MYH13: variants seen among roughly 807,000 people sequenced by gnomAD.
The protein encoded by MYH13 is myosin-13.
Under a neutral mutation model 232.1 loss-of-function variants are expected in MYH13, and 177 were observed. The observed-to-expected ratio is 0.76, with a 90% CI of 0.67 to 0.86. The LOEUF (loss-of-function observed/expected upper bound fraction) is 0.86, where lower values mean the gene tolerates loss of function less well. MYH13 is among the 40% of genes least tolerant of loss of function. MYH13 has a pLI of 0.00. For synonymous variants in MYH13, 884 were observed against 923.5 expected (o/e 0.96, Z 0.78); for missense variants, 2,246 against 2,405.9 (o/e 0.93, Z 1.39).
intron 22 of MYH13, among the ~76,000 whole-genome samples, chr17:10,325,980 A>G (rs1907185293): frequency 6.6e-6 from 1 of 152,082 alleles, no homozygotes; most frequent in African/African-American, 2.4e-5. Context: ...CGGCCCATAT[A>G]AGAGTATTTT....
In MYH13 at chr17:10,364,623, A is replaced by C. The variant is rs757161213; in HGVS notation, c.-12-81T>G. ...AGGGCCCCTACCCTTATTCTATTAA[A>C]ACGGGGCCAGATTCAAAGGCTCCTA... is the stretch of plus-strand genomic sequence containing the variant. On this transcript the variant is annotated intron_variant, in intron 2 of 40. Coordinates refer to ENST00000252172, the MANE Select transcript of MYH13 (RefSeq NM_003802.3). 3.1e-5 allele frequency: 37 copies of C among 1,208,650 alleles called. No individual in the cohort carries two copies. The Admixed American group carries it at 7.7e-4, about 25-fold the overall frequency. 74.9% of individuals were successfully genotyped at this position (1,208,650 alleles called of 1,614,324 possible).
chr17:10,343,864 C>T lies in MYH13; in HGVS notation c.1830G>A (p.Leu610=). ...GAAGCTTCAGCGAAGACTTCTGGTA[C>T]AGCCCCACCACAGTCTCGTTCAGGG... ...KDPLNETVVG[L]YQKSSLKLLS... Residue 610 remains leucine, a synonymous_variant, in exon 16 of 41, where the codon CTG becomes CTA. Coordinates refer to ENST00000252172, the MANE Select transcript of MYH13 (RefSeq NM_003802.3). 6.2e-7 allele frequency: 1 copy of T among 1,613,998 alleles called. No individual in the cohort carries two copies. Among genetic ancestry groups the T allele is most frequent in the Non-Finnish European group, 8.5e-7 (1 of 1,179,884 alleles).
chr17:10,338,038 C>T (rs577784728), intron 18 of MYH13, among the ~76,000 whole-genome samples: 155 of 152,118 alleles, frequency 1.0e-3, no homozygotes, highest in African/African-American at 3.4e-3. Context: ...GGCGACAGAG[C>T]GAGAGTCTGT....
chr17:10,362,850 G>T (rs2071804764), intron 3 of MYH13, among the ~76,000 whole-genome samples: 1 of 152,158 alleles, frequency 6.6e-6, no homozygotes, highest in Non-Finnish European at 1.5e-5. Context: ...AGGTTACAAA[G>T]AACTGCTCCA....
rs753903107 is a variant in MYH13 at position 10,345,556 on chromosome 17, C to T, written c.1324G>A (p.Val442Ile). The change falls in exon 14 of 41, where the codon GTC becomes ATC. Residue 442 changes from valine (V) to isoleucine (I), a missense_variant. By Grantham distance (29) the Val-to-Ile change is conservative. Coordinates refer to ENST00000252172, the MANE Select transcript of MYH13 (RefSeq NM_003802.3). ...AVYEKMFLWM[V>I]TRINQQLDTK... The stretch of plus-strand genomic sequence containing the variant: ...TCCAGCTGCTGGTTGATGCGGGTGA[C>T]CATCCACAGGAACATCTTCTCGTAG... 1.2e-6 allele frequency: 2 copies of T among 1,614,036 alleles called. No individual in the cohort carries two copies. Among genetic ancestry groups the T allele is most frequent in the African/African-American group, 2.7e-5 (2 of 74,902 alleles).
In MYH13 at chr17:10,305,222, C is replaced by T. The variant is rs1013922450; in HGVS notation, c.5466+1237G>A. Among the ~76,000 whole-genome samples, 5 of 152,274 alleles carry T rather than the reference C, an allele frequency of 3.3e-5. No homozygotes were observed. The East Asian group carries it at 7.7e-4, about 24-fold the overall frequency. ...CTCACCATGGGAGGGGGAGGGTGGC[C>T]GAGGGCTCCCCGCCAACCCAGGAAT... On this transcript the variant is annotated intron_variant, in intron 37 of 40. Transcript: ENST00000252172.
chr17:10,333,348 C>T (rs1907478322), intron 18 of MYH13, among the ~76,000 whole-genome samples, 157 bp from the exon 19 acceptor site: 1 of 152,192 alleles, frequency 6.6e-6, no homozygotes, highest in Admixed American at 6.5e-5. Flanking sequence ...CTGGGGGTGG[C>T]TAGAGCCTGC....
Position 10,312,611 on chromosome 17 carries a change from C to A in MYH13, c.4328G>T (p.Cys1443Phe). Reference sequence around the variant, plus strand: ...CCTCTGCTTCTTGTCCAGTGTGGCACAGGCGGTGTGGGAGCGCTCCAGATC... The same window carrying A: ...CCTCTGCTTCTTGTCCAGTGTGGCAAAGGCGGTGTGGGAGCGCTCCAGATC... Reference protein sequence around the residue: ...MRDLERSHTACATLDKKQRNF... With the variant: ...MRDLERSHTAFATLDKKQRNF... The change falls in exon 31 of 41, where the codon TGT (cysteine) becomes TTT (phenylalanine). Residue 1443 changes from cysteine (C) to phenylalanine (F), a missense_variant. Transcript: ENST00000252172. The A allele has an allele frequency of 6.2e-7, 1 of 1,613,416 alleles. No homozygotes were observed. Among genetic ancestry groups the A allele is most frequent in the Non-Finnish European group, 8.5e-7 (1 of 1,179,728 alleles).
At position 10,309,835 on chromosome 17, in the gene MYH13, C is replaced by A; in HGVS notation, c.4657-5G>T. On this transcript the variant is annotated splice_polypyrimidine_tract_variant and splice_region_variant and intron_variant, in intron 33 of 40. Coordinates refer to ENST00000252172, the MANE Select transcript of MYH13 (RefSeq NM_003802.3). ...CTCCTCGTGTTCCAAGGAACCCTGA[C>A]GAAAGCAAAGGAGTGATTGAGAGTG... The A allele has an allele frequency of 6.4e-7, 1 of 1,557,346 alleles. No individual in the cohort carries two copies. The highest frequency in any genetic ancestry group is 8.7e-7 in the Non-Finnish European group (1 of 1,149,096).
Position 10,343,971 on chromosome 17 carries a change from C to G in MYH13, c.1723G>C (p.Ala575Pro), listed in dbSNP as rs2071639448. Residue 575 changes from alanine to proline, a missense_variant, in exon 16 of 41, where the codon GCT (alanine) becomes CCT (proline). Ala to Pro is a conservative substitution (Grantham distance 27, BLOSUM62 -1). Coordinates refer to ENST00000252172, the MANE Select transcript of MYH13 (RefSeq NM_003802.3). ...FQKPKPAKGK[A>P]EAHFSLVHYA... ...TGCACCAGCGAGAAGTGAGCCTCAGCCTTGCCTTTGGCAGGCTTGGGCTTC... is the reference window on the plus strand; with the variant it reads ...TGCACCAGCGAGAAGTGAGCCTCAGGCTTGCCTTTGGCAGGCTTGGGCTTC... The G allele has an allele frequency of 3.1e-6, 5 of 1,614,220 alleles. No homozygotes were observed. Among genetic ancestry groups the G allele is most frequent in the South Asian group, 2.2e-5 (2 of 91,084 alleles).
chr17:10,300,984 A>C lies in MYH13; in HGVS notation c.5803-19T>G, dbSNP rs1282860981. On this transcript the variant is annotated intron_variant, in intron 40 of 40. Coordinates refer to ENST00000252172, the MANE Select transcript of MYH13 (RefSeq NM_003802.3). ...CCATCTTCTGTGGGAGAAAAAAATAATTGTACATAGGAAATGAGTCAACTA... is the reference window on the plus strand; with the variant it reads ...CCATCTTCTGTGGGAGAAAAAAATACTTGTACATAGGAAATGAGTCAACTA... 9.3e-6 allele frequency: 15 copies of C among 1,612,044 alleles called. No homozygotes were observed. The highest frequency in any genetic ancestry group is 1.3e-5 in the Non-Finnish European group (15 of 1,178,490).
intron 16 of MYH13, among the ~76,000 whole-genome samples, chr17:10,342,887 G>A (rs931039942): frequency 3.3e-5 from 5 of 151,914 alleles, no homozygotes; most frequent in Non-Finnish European, 7.4e-5. Flanking sequence ...TCAGGAGATC[G>A]AGACCATCCT....
intron 12 of MYH13, 62 bp downstream of exon 12, chr17:10,350,494 C>T (rs565450095): frequency 1.5e-5 from 23 of 1,559,858 alleles, no homozygotes; most frequent in Non-Finnish European, 1.8e-5. Flanking sequence ...TTATCTCACA[C>T]GGCCTCGCCC....
chr17:10,302,477 A>T (rs1292820141), intron 39 of MYH13, among the ~76,000 whole-genome samples: 1 of 152,192 alleles, frequency 6.6e-6, no homozygotes, highest in Non-Finnish European at 1.5e-5. Context: ...AAACTCTACA[A>T]CATCTACAAA....
chr17:10,350,880 A>G (rs2108568), intron 11 of MYH13, 186 bp from the exon 12 acceptor site: 718,750 of 720,722 alleles, frequency 1, 358,404 homozygotes, highest in East Asian at 1. Flanking sequence ...TGGGTGGGTG[A>G]AGACTATGGG....
At position 10,324,080 on chromosome 17, in the gene MYH13, T is replaced by C. The variant is rs376701281; in HGVS notation, c.2876A>G (p.Asp959Gly). Residue 959 changes from aspartate (D) to glycine (G), a missense_variant, in exon 23 of 41, where the codon GAT becomes GGT. By Grantham distance (94) the Asp-to-Gly change is moderately conservative (BLOSUM62 -1). Transcript: ENST00000252172. The part of the protein sequence containing the change: ...DKCSSLKRDI[D>G]DLELTLTKVE... ...TTTCGTCAAGGTCAGCTCCAGGTCA[T>C]CAATGTCTCTCTTGAGAGAGGAGCA... 3.1e-6 allele frequency: 5 copies of C among 1,613,980 alleles called. No homozygotes were observed. The African/African-American group carries it at 5.3e-5, about 17-fold the overall frequency.
In MYH13 at chr17:10,300,880, G is replaced by T; in HGVS notation, c.*71C>A. The T allele has an allele frequency of 2.7e-6, 4 of 1,480,592 alleles. No individual in the cohort carries two copies. Among genetic ancestry groups the T allele is most frequent in the South Asian group, 1.1e-5 (1 of 87,844 alleles). 91.7% of individuals were successfully genotyped at this position (1,480,592 alleles called of 1,614,324 possible). ...GAGCCGGGAATCCGAGTATTTAGGA[G>T]AATTTATTTCTCACACATTTTCCCT... On this transcript the variant is annotated 3_prime_UTR_variant, in exon 41 of 41. Coordinates refer to ENST00000252172, the MANE Select transcript of MYH13 (RefSeq NM_003802.3).
At chr17:10,317,227 G>A (rs1343811336) in intron 27 of MYH13, among the ~76,000 whole-genome samples, 2 of 152,128 alleles carry the variant, frequency 1.3e-5, no homozygotes, top group African/African-American at 4.8e-5. Flanking sequence ...GGCCTGGCTC[G>A]CCGAGAGAGA....
chr17:10,322,473 C>T (rs570980469), intron 23 of MYH13, among the ~76,000 whole-genome samples: 1 of 152,194 alleles, frequency 6.6e-6, no homozygotes, highest in Non-Finnish European at 1.5e-5. Flanking sequence ...GGAGGGCACC[C>T]AACACGGAAC....
Sources: allele counts gnomAD v4.1 joint callset (sites outside exome capture counted in the v4.1 genomes callset), GRCh38; gene constraint gnomAD v4.1.1; transcripts MANE v1.5; gene names NCBI Gene and HGNC (gene_info 2026-07-23, HGNC 2026-07-21).